The following TMC6 variants were observed in gnomAD, a reference collection of about 807,000 sequenced individuals.
The protein encoded by TMC6 is transmembrane channel like 6.
A neutral mutation model predicts 95.4 loss-of-function variants in TMC6; 71 were observed. That is an observed-to-expected ratio of 0.74 (90% CI 0.61 to 0.91). TMC6 has a LOEUF of 0.91. TMC6 is among the 40% of genes least tolerant of loss of function. TMC6 has a pLI of 0.00. For missense variants in TMC6, 1,074 were observed against 1,079.1 expected, an observed-to-expected ratio of 1.00 and a Z score of 0.07; for synonymous variants, 514 against 483.1, an observed-to-expected ratio of 1.06 and a Z score of -0.84.
chr17:78,113,241 C>T (rs950535766), intron 19 of TMC6, 30 bp from the exon 20 acceptor site: 2 of 1,545,714 alleles, frequency 1.3e-6, no homozygotes, highest in Admixed American at 4.0e-5. Context: ...CTGAGGGGAC[C>T]CCATAAACAT....
In TMC6 at chr17:78,117,473, C is replaced by G. The variant is rs1179269939; in HGVS notation, c.2193G>C (p.Leu731=). The change falls in exon 17 of 20, where the codon CTG becomes CTC. Residue 731 remains leucine, a synonymous_variant. Transcript: ENST00000590602. Reference sequence around the variant, plus strand: ...CCCCCACCTGCGGGACTCACAGCAGCAGGGCTGACACCAGGAAGACAAAGA... The same window carrying G: ...CCCCCACCTGCGGGACTCACAGCAGGAGGGCTGACACCAGGAAGACAAAGA... ...NTFFVFLVSA[L]LLAVIYLNIQ... 6.2e-7 allele frequency: 1 copy of G among 1,610,116 alleles called. No individual in the cohort carries two copies. The highest frequency in any genetic ancestry group is 1.1e-5 in the South Asian group (1 of 90,848).
In TMC6 at chr17:78,113,147, C is replaced by T; in HGVS notation, c.*1G>A. On this transcript the variant is annotated 3_prime_UTR_variant, in exon 20 of 20. Coordinates refer to ENST00000590602, the MANE Select transcript of TMC6 (RefSeq NM_001127198.5). ...GGCCCGTGAGGCCCATCGCCGTCCC[C>T]CTAGGCATCCTGTTCATCTGTGAGC... 1 of 1,553,960 alleles carries T rather than the reference C, an allele frequency of 6.4e-7. No homozygotes were observed. The highest frequency in any genetic ancestry group is 8.7e-7 in the Non-Finnish European group (1 of 1,148,268).
In TMC6 at chr17:78,109,600, C is replaced by T; in HGVS notation, c.*3548G>A. Reference sequence around the variant, plus strand: ...GAGCTGTGATCGTGCCACTGTGCTCCGGGATGGGCAACAGAAAGACCCCAT... The same window carrying T: ...GAGCTGTGATCGTGCCACTGTGCTCTGGGATGGGCAACAGAAAGACCCCAT... On this transcript the variant is annotated 3_prime_UTR_variant, in exon 20 of 20. Transcript: ENST00000590602. The T allele has an allele frequency of 4.4e-6, 2 of 454,418 alleles. No individual in the cohort carries two copies. Among genetic ancestry groups the T allele is most frequent in the Non-Finnish European group, 8.9e-6 (2 of 225,972 alleles). 28.1% of individuals were successfully genotyped at this position (454,418 alleles called of 1,614,324 possible). A position where few individuals can be genotyped will look rare whatever the true frequency, so the allele number is the denominator to read the frequency against.
rs534332165 is a variant in TMC6, at chr17:78,122,345, G to T, written c.1227+260C>A. The stretch of plus-strand genomic sequence containing the variant: ...CTGAGGCCTCAGGGCTGGCTCCCGG[G>T]TGCCCACGGGGCCATGGCGCTACTA... On this transcript the variant is annotated intron_variant, in intron 10 of 19. Coordinates refer to ENST00000590602, the MANE Select transcript of TMC6 (RefSeq NM_001127198.5). The surrounding 1 kb of genome is among the most constrained non-coding windows in gnomAD (Gnocchi z 4.9). Among the ~76,000 whole-genome samples the T allele has an allele frequency of 1.3e-5, 2 of 152,024 alleles. No homozygotes were observed. Among genetic ancestry groups the T allele is most frequent in the African/African-American group, 2.4e-5 (1 of 41,410 alleles).
rs1366602184 is a variant in TMC6, at chr17:78,121,071, G to C, written c.1477C>G (p.Leu493Val). ...NLGAPYLCRV[L>V]AALEPHDSPV... ...GAGTCATGCGGCTCCAGGGCGGCCA[G>C]GACACGGCACAGGTAGGGGGCCCCC... Residue 493 changes from leucine to valine, a missense_variant, in exon 12 of 20, where the codon CTG (leucine) becomes GTG (valine). Leu to Val is a conservative substitution (Grantham distance 32). Coordinates refer to ENST00000590602, the MANE Select transcript of TMC6 (RefSeq NM_001127198.5). This position sits in a 1 kb window ranked among gnomAD's most constrained non-coding sequence, Gnocchi z 5.6. 1 of 1,613,192 alleles carries C rather than the reference G, an allele frequency of 6.2e-7. No individual in the cohort carries two copies.
chr17:78,122,757 G>A lies in TMC6; in HGVS notation c.1083-8C>T. 2 of 1,608,170 alleles carry A rather than the reference G, an allele frequency of 1.2e-6. No individual in the cohort carries two copies. Among genetic ancestry groups the A allele is most frequent in the South Asian group, 2.2e-5 (2 of 90,600 alleles). On this transcript the variant is annotated splice_region_variant and splice_polypyrimidine_tract_variant and intron_variant, in intron 9 of 19. Transcript: ENST00000590602. The surrounding 1 kb of genome is among the most constrained non-coding windows in gnomAD (Gnocchi z 4.9). ...CCGAAAGAGTGAGCCATGCTGGGGA[G>A]AAGCAGACACAGACATGGCAACCAA...
chr17:78,120,537 AGGGTGG>A, intron 13 of TMC6, 110 bp downstream of exon 13: 3 of 1,443,206 alleles, frequency 2.1e-6, no homozygotes, highest in Non-Finnish European at 2.9e-6. Context: ...CTTCCTCTGA[AGGGTGG>A]AGACACAGGG....
Position 78,122,469 on chromosome 17 carries a change from C to G in TMC6, c.1227+136G>C. 7.4e-7 allele frequency: 1 copy of G among 1,350,580 alleles called. No homozygotes were observed. The highest frequency in any genetic ancestry group is 1.0e-6 in the Non-Finnish European group (1 of 997,632). 83.7% of individuals were successfully genotyped at this position (1,350,580 alleles called of 1,614,324 possible). On this transcript the variant is annotated intron_variant, in intron 10 of 19. Transcript: ENST00000590602. The surrounding 1 kb of genome is among the most constrained non-coding windows in gnomAD (Gnocchi z 4.9). Reference sequence around the variant, plus strand: ...ACTGCAAGCAGAAGACCACGCCTGCCCAGCGCCCCGAGTTCAGCTCACGGA... The same window carrying G: ...ACTGCAAGCAGAAGACCACGCCTGCGCAGCGCCCCGAGTTCAGCTCACGGA...
rs373929867 is a variant in TMC6, at chr17:78,121,004, G to A, written c.1535+9C>T. 23 of 1,613,178 alleles carry A rather than the reference G, an allele frequency of 1.4e-5. No homozygotes were observed. The African/African-American group carries it at 1.6e-4, about 11-fold the overall frequency. ...GCACCAAATGATGTTTTCATGTGCG[G>A]CCACACACCTGCAGATGGCCACGTA... On this transcript the variant is annotated intron_variant, in intron 12 of 19. Coordinates refer to ENST00000590602, the MANE Select transcript of TMC6 (RefSeq NM_001127198.5). This position sits in a 1 kb window ranked among gnomAD's most constrained non-coding sequence, Gnocchi z 5.6.
At chr17:78,113,888 C>G (rs1260511935) in intron 18 of TMC6, 6 of 493,218 alleles carry the variant, frequency 1.2e-5, no homozygotes, top group Admixed American at 3.2e-5. Context: ...GCCAGCCTGA[C>G]TCAATTTAAA....
intron 19 of TMC6, 99 bp downstream of exon 19, chr17:78,113,449 C>A: frequency 2.1e-6 from 3 of 1,429,862 alleles, no homozygotes; most frequent in Non-Finnish European, 2.9e-6. Context: ...CAAGTGTCAG[C>A]AATGTCGTGG....
At position 78,121,422 on chromosome 17, in the gene TMC6, G is replaced by T; in HGVS notation, c.1383+134C>A. 6.8e-7 allele frequency: 1 copy of T among 1,481,052 alleles called. No homozygotes were observed. The highest frequency in any genetic ancestry group is 9.2e-7 in the Non-Finnish European group (1 of 1,085,926). 91.7% of individuals were successfully genotyped at this position (1,481,052 alleles called of 1,614,324 possible). On this transcript the variant is annotated intron_variant, in intron 11 of 19. Transcript: ENST00000590602. The surrounding 1 kb of genome is among the most constrained non-coding windows in gnomAD (Gnocchi z 5.6). ...TGGGGCTCGGAGGGGGCCCCAGCACGGGGCACAGCGTACGTGGCACCCTGG... is the reference window on the plus strand; with the variant it reads ...TGGGGCTCGGAGGGGGCCCCAGCACTGGGCACAGCGTACGTGGCACCCTGG...
chr17:78,113,738 G>A (rs1598815859), intron 18 of TMC6, 114 bp from the exon 19 acceptor site: 1 of 1,097,940 alleles, frequency 9.1e-7, no homozygotes, highest in African/African-American at 1.5e-5. Flanking sequence ...AACATCGCAA[G>A]CAGCAAAAAC....
chr17:78,126,663 G>C lies in TMC6; in HGVS notation c.57-15C>G. The C allele has an allele frequency of 1.2e-6, 2 of 1,612,814 alleles. No homozygotes were observed. The highest frequency in any genetic ancestry group is 1.7e-6 in the Non-Finnish European group (2 of 1,179,846). ...TGGGGCCCTGGCTGCAGAGGGGGTT[G>C]GCGGGGGGGTCAGGCTCCAGCCACC... is the stretch of plus-strand genomic sequence containing the variant. On this transcript the variant is annotated splice_polypyrimidine_tract_variant and intron_variant, in intron 2 of 19. Transcript: ENST00000590602.
rs1250634863 is a variant in TMC6, at chr17:78,122,575, A to T, written c.1227+30T>A. On this transcript the variant is annotated intron_variant, in intron 10 of 19. Transcript: ENST00000590602. The surrounding 1 kb of genome is among the most constrained non-coding windows in gnomAD (Gnocchi z 4.9). ...GGGCCAGGCCTGCAGGGAGCTGGGC[A>T]GGCCAGCTTGGTGCTCCGGGGCCAC... 6.2e-7 allele frequency: 1 copy of T among 1,605,264 alleles called. No individual in the cohort carries two copies.
At chr17:78,125,583 G>A in intron 5 of TMC6, 143 bp downstream of exon 5, 1 of 1,294,284 alleles carries the variant, frequency 7.7e-7, no homozygotes, top group Non-Finnish European at 1.0e-6. Context: ...GAGGGACGGG[G>A]GGGCCTTCAG....
intron 15 of TMC6, chr17:78,118,276 G>T: frequency 2.5e-6 from 1 of 406,258 alleles, no homozygotes; most frequent in South Asian, 2.3e-5. Context: ...AGCCAGGATG[G>T]CCAGGTGCGG....
intron 18 of TMC6, among the ~76,000 whole-genome samples, 174 bp downstream of exon 18, chr17:78,117,095 G>C (rs775412320): frequency 2.0e-5 from 3 of 152,072 alleles, no homozygotes; most frequent in Admixed American, 6.5e-5. Flanking sequence ...TCTGTCTCAC[G>C]GCTACTTCGT....
chr17:78,126,453 G>A (rs1274646668), intron 3 of TMC6, 71 bp downstream of exon 3: 7 of 1,608,854 alleles, frequency 4.4e-6, no homozygotes, highest in Non-Finnish European at 5.9e-6. Flanking sequence ...GCAGAGCTGG[G>A]AGGCCCGTCC....
Sources: allele counts gnomAD v4.1 joint callset (sites outside exome capture counted in the v4.1 genomes callset), GRCh38; gene constraint gnomAD v4.1.1; non-coding constraint Gnocchi (gnomAD v3.1); transcripts MANE v1.5; gene names NCBI Gene and HGNC (gene_info 2026-07-23, HGNC 2026-07-21).